CRPPA: variants seen among roughly 807,000 people sequenced by gnomAD.
CRPPA encodes the protein D-ribitol-5-phosphate cytidylyltransferase.
CRPPA carries 43 observed loss-of-function variants against 52.0 expected under a neutral mutation model. The ratio of observed to expected loss-of-function variants is 0.83; its 90% confidence interval spans 0.65 to 1.07. CRPPA has a LOEUF of 1.07. Ranked by LOEUF, CRPPA falls within the 50% of genes least tolerant of loss-of-function variation. CRPPA has a pLI of 0.00. For missense variants in CRPPA, 629 were observed against 551.7 expected (o/e 1.14, Z -1.40); for synonymous variants, 250 against 203.5 (o/e 1.23, Z -1.94).
chr7:16,311,189 A>G (rs1479376183), intron 3 of CRPPA, among the ~76,000 whole-genome samples: 1 of 152,130 alleles, frequency 6.6e-6, no homozygotes, highest in East Asian at 1.9e-4. Flanking sequence ...CATCATTATC[A>G]TTCAAAGCCC....
chr7:16,108,229 G>C (rs1782194865), intron 9 of CRPPA, among the ~76,000 whole-genome samples: 2 of 151,820 alleles, frequency 1.3e-5, no homozygotes, highest in African/African-American at 2.4e-5. Context: ...GCCTACTAGA[G>C]ACTTACTTCA....
At chr7:16,211,747 C>A (rs975564801) in intron 9 of CRPPA, among the ~76,000 whole-genome samples, 15 of 151,988 alleles carry the variant, frequency 9.9e-5, no homozygotes, top group African/African-American at 3.1e-4. Flanking sequence ...TCTTTAGGAC[C>A]AAAGCTGTAA....
intron 8 of CRPPA, among the ~76,000 whole-genome samples, chr7:16,235,282 G>A (rs1782917584): frequency 6.6e-6 from 1 of 151,808 alleles, no homozygotes; most frequent in South Asian, 2.1e-4. Flanking sequence ...GAGATAGGAT[G>A]ACATGTAGGG....
intron 3 of CRPPA, among the ~76,000 whole-genome samples, chr7:16,326,517 C>G (rs1785394103): frequency 6.6e-6 from 1 of 152,144 alleles, no homozygotes; most frequent in South Asian, 2.1e-4. Context: ...TCATTATGAG[C>G]TAAAATTATC....
chr7:16,258,877 TG>T, intron 7 of CRPPA, 42 bp downstream of exon 7: 1 of 1,238,208 alleles, frequency 8.1e-7, no homozygotes, highest in Non-Finnish European at 1.2e-6. Flanking sequence ...CTTCCACATT[TG>T]TTCATATCCT....
rs1385588236 is a variant in CRPPA, at chr7:16,278,165, A to T, written c.897T>A (p.Gly299=). 2 of 1,579,902 alleles carry T rather than the reference A, an allele frequency of 1.3e-6. No homozygotes were observed. The highest frequency in any genetic ancestry group is 3.4e-5 in the Admixed American group (2 of 58,440). ...TTTTCAGCACTTCTTCAAGAAGATGACCTACATGTTTGTTATCTTCTTCTG... is the reference window on the plus strand; with the variant it reads ...TTTTCAGCACTTCTTCAAGAAGATGTCCTACATGTTTGTTATCTTCTTCTG... The part of the protein sequence containing the change: ...MDTEEDNKHV[G]HLLEEVLKSE... The change falls in exon 6 of 10, where the codon GGT becomes GGA. Residue 299 remains glycine (G), a synonymous_variant. Transcript: ENST00000407010.
intron 4 of CRPPA, among the ~76,000 whole-genome samples, chr7:16,301,748 G>C (rs746418211): frequency 6.6e-6 from 1 of 152,034 alleles, no homozygotes; most frequent in African/African-American, 2.4e-5. Context: ...AAATGTGGTA[G>C]CATTTAAACA....
chr7:16,123,048 T>C (rs1782508193), intron 9 of CRPPA, among the ~76,000 whole-genome samples: 1 of 152,034 alleles, frequency 6.6e-6, no homozygotes, highest in African/African-American at 2.4e-5. Context: ...CCTAGGCACA[T>C]TTTAGGTATG....
chr7:16,291,496 T>C (rs143947486), intron 5 of CRPPA, among the ~76,000 whole-genome samples: 27 of 151,960 alleles, frequency 1.8e-4, no homozygotes, highest in Non-Finnish European at 2.4e-4. Context: ...GAAAGACAAA[T>C]ATTGCATGTT....
intron 9 of CRPPA, among the ~76,000 whole-genome samples, chr7:16,104,301 C>T (rs112232083): frequency 0.013 from 1,944 of 152,326 alleles, 17 homozygotes; most frequent in Non-Finnish European, 0.02. Context: ...CAGAAGCAAT[C>T]CTTTCTCAAG....
At chr7:16,288,845 CAAAAAAAAA>C (rs71007760) in intron 5 of CRPPA, among the ~76,000 whole-genome samples, 3 of 34,840 alleles carry the variant, frequency 8.6e-5, no homozygotes, top group South Asian at 1.3e-3. Context: ...GACTCTGCCT[CAAAAAAAAA>C]AAAAAAAAAA....
At chr7:16,283,898 G>A (rs1412541594) in intron 5 of CRPPA, among the ~76,000 whole-genome samples, 2 of 151,822 alleles carry the variant, frequency 1.3e-5, no homozygotes, top group South Asian at 2.1e-4. Flanking sequence ...ATACTTGATA[G>A]GCATTCAATA....
intron 3 of CRPPA, among the ~76,000 whole-genome samples, chr7:16,322,717 G>C (rs1359912378): frequency 6.6e-6 from 1 of 152,108 alleles, no homozygotes; most frequent in Non-Finnish European, 1.5e-5. Flanking sequence ...TTGAGGGAGA[G>C]TATTCAATGT....
intron 9 of CRPPA, among the ~76,000 whole-genome samples, chr7:16,189,416 A>C (rs1203007763): frequency 6.6e-6 from 1 of 152,148 alleles, no homozygotes; most frequent in African/African-American, 2.4e-5. Context: ...CCCAGATGGC[A>C]ATATTATCTG....
chr7:16,183,964 C>G (rs1262279168), intron 9 of CRPPA, among the ~76,000 whole-genome samples: 3 of 151,992 alleles, frequency 2.0e-5, no homozygotes, highest in African/African-American at 7.2e-5. Flanking sequence ...GTTTTTGAGA[C>G]AGAGTTTTGC....
At chr7:16,371,282 A>G (rs945282317) in intron 3 of CRPPA, among the ~76,000 whole-genome samples, 2 of 152,176 alleles carry the variant, frequency 1.3e-5, no homozygotes, top group African/African-American at 4.8e-5. Context: ...AATACTGGAG[A>G]AAAATTAAAC....
chr7:16,124,392 AT>A (rs1415426857), intron 9 of CRPPA, among the ~76,000 whole-genome samples: 16 of 152,292 alleles, frequency 1.1e-4, no homozygotes, highest in Admixed American at 8.5e-4. Context: ...ATGGGATACT[AT>A]TTAGCCATAA....
At chr7:16,180,272 G>T (rs577799741) in intron 9 of CRPPA, among the ~76,000 whole-genome samples, 7 of 152,066 alleles carry the variant, frequency 4.6e-5, no homozygotes, top group African/African-American at 1.4e-4. Flanking sequence ...AGCCCTTTTG[G>T]TAATGCTAAT....
At chr7:16,112,015 C>T (rs764512431) in intron 9 of CRPPA, among the ~76,000 whole-genome samples, 13 of 151,642 alleles carry the variant, frequency 8.6e-5, no homozygotes, top group Non-Finnish European at 1.6e-4. Flanking sequence ...CACTTTTTAC[C>T]CCATAAACTT....
Sources: allele counts gnomAD v4.1 joint callset (sites outside exome capture counted in the v4.1 genomes callset), GRCh38; gene constraint gnomAD v4.1.1; transcripts MANE v1.5; gene names NCBI Gene and HGNC (gene_info 2026-07-23, HGNC 2026-07-21).